NR3C2: variants seen among roughly 807,000 people sequenced by gnomAD.
NR3C2 encodes the protein nuclear receptor subfamily 3 group C member 2.
Under a neutral mutation model 86.4 loss-of-function variants are expected in NR3C2, and 15 were observed. That is an observed-to-expected ratio of 0.17 (90% CI 0.12 to 0.27). The LOEUF (loss-of-function observed/expected upper bound fraction) is 0.27. Among genes scored for constraint, NR3C2 ranks in the 10% least tolerant of loss-of-function variants. The pLI, the probability that NR3C2 is intolerant of heterozygous loss-of-function variation, is 1.00. For synonymous variants in NR3C2, 458 were observed against 450.5 expected (o/e 1.02, Z -0.21); for missense variants, 960 against 1,195.6 (o/e 0.80, Z 2.91).
At position 148,080,691 on chromosome 4, in the gene NR3C2, C is replaced by T; in HGVS notation, c.*653G>A. 3.7e-6 allele frequency: 1 copy of T among 267,846 alleles called. No individual in the cohort carries two copies. Among genetic ancestry groups the T allele is most frequent in the East Asian group, 8.6e-5 (1 of 11,622 alleles). The allele number at this position is 267,846 out of a possible 1,614,324, so 16.6% of individuals were successfully genotyped here. On this transcript the variant is annotated 3_prime_UTR_variant, in exon 9 of 9. Transcript: ENST00000358102. ...ATTTGTAAAGCCAACACAATAGATA[C>T]TAGAAATCAAACCAAGGCATTTAAC...
chr4:148,358,910 A>T (rs1398814413), intron 2 of NR3C2, among the ~76,000 whole-genome samples: 2 of 152,118 alleles, frequency 1.3e-5, no homozygotes, highest in Non-Finnish European at 2.9e-5. Flanking sequence ...AAAAGAAAAC[A>T]TCTACAAAAA....
At chr4:148,221,255 A>G (rs998928408) in intron 3 of NR3C2, among the ~76,000 whole-genome samples, 3 of 152,206 alleles carry the variant, frequency 2.0e-5, no homozygotes, top group African/African-American at 7.2e-5. Context: ...ACCTATCAAT[A>G]ATTTATTTAT....
intron 2 of NR3C2, among the ~76,000 whole-genome samples, chr4:148,326,842 C>A (rs1743993741): frequency 6.6e-6 from 1 of 152,014 alleles, no homozygotes; most frequent in South Asian, 2.1e-4. Context: ...ATTCTCACAG[C>A]TAAATATTTT....
rs972526531 is a variant in NR3C2 at position 148,436,619 on chromosome 4, G to A, written c.242C>T (p.Pro81Leu). 68 of 1,614,038 alleles carry A rather than the reference G, an allele frequency of 4.2e-5. No individual in the cohort carries two copies. Among genetic ancestry groups the A allele is most frequent in the Non-Finnish European group, 5.7e-5 (67 of 1,180,040 alleles). ...TTTAATATCAGATGTTAAAATCCCA[G>A]GCCGATTATTGTCTTGCTGAAGGCA... ...LPCLQQDNNR[P>L]GILTSDIKTE... Residue 81 changes from proline to leucine, a missense_variant, in exon 2 of 9, where the codon CCT (proline) becomes CTT (leucine). By Grantham distance (98) the Pro-to-Leu change is moderately conservative. Coordinates refer to ENST00000358102, the MANE Select transcript of NR3C2 (RefSeq NM_000901.5).
intron 4 of NR3C2, among the ~76,000 whole-genome samples, chr4:148,173,302 A>G (rs1735220358): frequency 6.6e-6 from 1 of 152,212 alleles, no homozygotes; most frequent in Admixed American, 6.5e-5. Flanking sequence ...AACTCTGAAG[A>G]TTAAATCAAG....
intron 2 of NR3C2, among the ~76,000 whole-genome samples, chr4:148,285,153 C>T (rs558775650): frequency 9.9e-5 from 15 of 152,252 alleles, no homozygotes; most frequent in African/African-American, 3.6e-4. Context: ...TGAAAAAGTG[C>T]ACTGGGGGTC....
intron 3 of NR3C2, among the ~76,000 whole-genome samples, chr4:148,258,621 T>G (rs145314770): frequency 2.0e-5 from 3 of 152,212 alleles, no homozygotes; most frequent in African/African-American, 7.2e-5. Flanking sequence ...GGAGCTTTTA[T>G]AGGAATTGCT....
chr4:148,385,333 C>T (rs1181373287), intron 2 of NR3C2, among the ~76,000 whole-genome samples: 1 of 152,174 alleles, frequency 6.6e-6, no homozygotes, highest in African/African-American at 2.4e-5. Context: ...TCAAGGTCAA[C>T]CCTGGCAACA....
At chr4:148,277,351 T>C (rs1741009870) in intron 2 of NR3C2, among the ~76,000 whole-genome samples, 1 of 152,226 alleles carries the variant, frequency 6.6e-6, no homozygotes, top group Admixed American at 6.5e-5. Context: ...CGAATCCTCA[T>C]GGCTACAGAT....
At chr4:148,228,015 C>A (rs763421300) in intron 3 of NR3C2, among the ~76,000 whole-genome samples, 3 of 152,148 alleles carry the variant, frequency 2.0e-5, no homozygotes, top group Non-Finnish European at 2.9e-5. Context: ...CTGGGTGTCA[C>A]TGTATCTGGG....
intron 3 of NR3C2, among the ~76,000 whole-genome samples, chr4:148,234,025 T>G (rs750623141): frequency 6.6e-6 from 1 of 152,012 alleles, no homozygotes; most frequent in Non-Finnish European, 1.5e-5. Flanking sequence ...ATAAACAAAG[T>G]ATAATAAACT....
At chr4:148,154,505 C>T (rs1417045336) in intron 5 of NR3C2, 46 bp downstream of exon 5, 5 of 1,582,834 alleles carry the variant, frequency 3.2e-6, no homozygotes, top group Non-Finnish European at 4.3e-6. Flanking sequence ...GTTGCCCAGA[C>T]TTGTTAAGTT....
chr4:148,125,413 G>C (rs1201442770), intron 6 of NR3C2, among the ~76,000 whole-genome samples: 2 of 152,140 alleles, frequency 1.3e-5, no homozygotes, highest in African/African-American at 4.8e-5. Context: ...CTAGCTTCCT[G>C]TCACCTTTCT....
Position 148,187,055 on chromosome 4 carries a change from G to GAT in NR3C2, c.2014+7689_2014+7690dup, listed in dbSNP as rs1217765401. Among the ~76,000 whole-genome samples, 518 of 126,054 alleles carry GAT rather than the reference G, an allele frequency of 4.1e-3. 9 individuals carry two copies. Among genetic ancestry groups the GAT allele is most frequent in the African/African-American group, 0.014 (482 of 35,048 alleles). The allele number at this position is 126,054 out of a possible 152,430, so 82.7% of individuals were successfully genotyped here. On this transcript the variant is annotated intron_variant, in intron 4 of 8. Coordinates refer to ENST00000358102, the MANE Select transcript of NR3C2 (RefSeq NM_000901.5). ...ATATATATATATATAAAGAAACTGT[G>GAT]ATATATATATATGATATATGTGATA... is the stretch of plus-strand genomic sequence containing the variant.
chr4:148,363,316 T>C (rs1041794418), intron 2 of NR3C2, among the ~76,000 whole-genome samples: 10 of 152,112 alleles, frequency 6.6e-5, no homozygotes, highest in Non-Finnish European at 1.3e-4. Flanking sequence ...CAAGTCAAAG[T>C]CCTGTTTTCT....
chr4:148,304,946 AC>A (rs1232789501), intron 2 of NR3C2, among the ~76,000 whole-genome samples: 1 of 147,366 alleles, frequency 6.8e-6, no homozygotes, highest in African/African-American at 2.5e-5. Context: ...TGCTCTCCTC[AC>A]CTTTCAATGT....
intron 6 of NR3C2, among the ~76,000 whole-genome samples, chr4:148,122,232 A>G (rs1375544459): frequency 1.3e-5 from 2 of 151,964 alleles, no homozygotes; most frequent in African/African-American, 4.8e-5. Context: ...ATCTTTACCA[A>G]TTTTACCCAT....
rs372623655 is a variant in NR3C2, at chr4:148,388,463, T to C, written c.1757+46641A>G. ...TTTCAGATTCGAAATGCTCAACCTA[T>C]GTGGAGAGAATGCATCTGCCTTAGT... On this transcript the variant is annotated intron_variant, in intron 2 of 8. Coordinates refer to ENST00000358102, the MANE Select transcript of NR3C2 (RefSeq NM_000901.5). Among the ~76,000 whole-genome samples the C allele has an allele frequency of 1.5e-3, 234 of 152,296 alleles. 1 individual carries two copies. Among genetic ancestry groups the C allele is most frequent in the African/African-American group, 1.8e-3 (75 of 41,566 alleles).
At chr4:148,363,504 C>CT (rs1375693723) in intron 2 of NR3C2, among the ~76,000 whole-genome samples, 5 of 69,880 alleles carry the variant, frequency 7.2e-5, no homozygotes, top group Admixed American at 2.0e-4. Flanking sequence ...TCTCATAGAT[C>CT]TCTTTTTTTT....
Sources: allele counts gnomAD v4.1 joint callset (sites outside exome capture counted in the v4.1 genomes callset), GRCh38; gene constraint gnomAD v4.1.1; transcripts MANE v1.5; gene names NCBI Gene and HGNC (gene_info 2026-07-23, HGNC 2026-07-21).